Variants in WWOX observed in about 807,000 individuals in gnomAD.
WWOX encodes WW domain containing oxidoreductase.
Under a neutral mutation model 46.2 loss-of-function variants are expected in WWOX, and 69 were observed. The observed-to-expected ratio is 1.49, with a 90% CI of 1.23 to 1.82. WWOX has a LOEUF of 1.82. Ranked by LOEUF, WWOX falls within the 40% of genes most tolerant of loss-of-function variation. The pLI, the probability that WWOX is intolerant of heterozygous loss-of-function variation, is 0.00. For missense variants in WWOX, 919 were observed against 542.6 expected, an observed-to-expected ratio of 1.69 and a Z score of -6.89; for synonymous variants, 359 against 202.6, an observed-to-expected ratio of 1.77 and a Z score of -6.56.
Position 79,074,349 on chromosome 16 carries a change from T to A in WWOX, c.1057-137259T>A, listed in dbSNP as rs1370712484. On this transcript the variant is annotated intron_variant, in intron 8 of 8. Transcript: ENST00000566780. ...AAATGAGAGAAGTAAACATCTGACT[T>A]CCTAAAACCACCGTTGTCACTCAAA... Among the ~76,000 whole-genome samples the A allele has an allele frequency of 1.7e-4, 25 of 147,648 alleles. No homozygotes were observed. In the Admixed American group the frequency reaches 1.7e-3, roughly 10 times the overall value.
At chr16:79,029,005 A>G (rs1465362733) in intron 8 of WWOX, among the ~76,000 whole-genome samples, 1 of 149,954 alleles carries the variant, frequency 6.7e-6, no homozygotes, top group Non-Finnish European at 1.5e-5. Context: ...TTTGAAAAAT[A>G]AGCACAATAC....
rs1334433324 is a variant in WWOX, at chr16:78,588,257, C to T, written c.1056+155505C>T. Among the ~76,000 whole-genome samples, 4 of 152,294 alleles carry T rather than the reference C, an allele frequency of 2.6e-5. No individual in the cohort carries two copies. In the East Asian group the frequency reaches 7.7e-4, roughly 29 times the overall value. ...AGCCTCAAACTTGAACAGGTTCTTG[C>T]AGTTGGCAAACAGAAGGAGACCAGA... is the stretch of plus-strand genomic sequence containing the variant. On this transcript the variant is annotated intron_variant, in intron 8 of 8. Transcript: ENST00000566780.
chr16:78,702,120 A>ATATATATATATATTTATT (rs1207718237), intron 8 of WWOX, among the ~76,000 whole-genome samples: 15 of 130,016 alleles, frequency 1.2e-4, no homozygotes, highest in African/African-American at 5.0e-4. Context: ...ATATATATAT[A>ATATATATATATATTTATT]TATTTATTTA....
At chr16:78,714,296 G>C (rs1296367366) in intron 8 of WWOX, among the ~76,000 whole-genome samples, 1 of 152,122 alleles carries the variant, frequency 6.6e-6, no homozygotes, top group Non-Finnish European at 1.5e-5. Context: ...ACACGATCAT[G>C]GCGGAAGGCA....
At chr16:78,104,165 T>G (rs575240081) in intron 1 of WWOX, among the ~76,000 whole-genome samples, 3 of 151,814 alleles carry the variant, frequency 2.0e-5, no homozygotes, top group South Asian at 4.2e-4. Flanking sequence ...ATGGTGCCTG[T>G]GTCCACAGGG....
intron 8 of WWOX, among the ~76,000 whole-genome samples, chr16:78,798,782 A>G (rs2050810205): frequency 1.3e-5 from 2 of 152,224 alleles, no homozygotes; most frequent in African/African-American, 2.4e-5. Flanking sequence ...ATAAAGTAAT[A>G]TAAACTGAAG....
intron 8 of WWOX, among the ~76,000 whole-genome samples, chr16:78,733,107 G>C (rs924534560): frequency 6.6e-6 from 1 of 151,836 alleles, no homozygotes; most frequent in Non-Finnish European, 1.5e-5. Flanking sequence ...CATTTGCTCC[G>C]CTGTTACATC....
intron 8 of WWOX, among the ~76,000 whole-genome samples, chr16:78,879,610 G>T (rs559083017): frequency 6.6e-6 from 1 of 152,284 alleles, no homozygotes; most frequent in Admixed American, 6.5e-5. Context: ...GGGCATGATG[G>T]TTCACGCCTG....
At chr16:79,147,113 G>A (rs1283891080) in intron 8 of WWOX, among the ~76,000 whole-genome samples, 1 of 152,156 alleles carries the variant, frequency 6.6e-6, no homozygotes, top group African/African-American at 2.4e-5. Flanking sequence ...GTATATGTGT[G>A]TCTGTGTCTA....
intron 8 of WWOX, among the ~76,000 whole-genome samples, chr16:78,506,232 A>G (rs941698922): frequency 1.3e-5 from 2 of 152,198 alleles, no homozygotes; most frequent in Admixed American, 6.5e-5. Context: ...CTGTGGACAC[A>G]CAGGCTGTGT....
At chr16:78,436,101 C>T (rs748012810) in intron 8 of WWOX, among the ~76,000 whole-genome samples, 3 of 152,182 alleles carry the variant, frequency 2.0e-5, no homozygotes, top group African/African-American at 7.2e-5. Flanking sequence ...TAGCTCAGTG[C>T]CTTTCGCATG....
At chr16:78,358,649 C>T (rs973657882) in intron 5 of WWOX, among the ~76,000 whole-genome samples, 2 of 147,550 alleles carry the variant, frequency 1.4e-5, no homozygotes, top group Non-Finnish European at 3.0e-5. Context: ...CAGAGCAAGA[C>T]TCCGTGTCAA....
intron 5 of WWOX, among the ~76,000 whole-genome samples, chr16:78,325,650 C>A (rs187659759): frequency 6.6e-6 from 1 of 152,208 alleles, no homozygotes; most frequent in Non-Finnish European, 1.5e-5. Flanking sequence ...CTCCGTTTGG[C>A]AGCTTGATTA....
intron 5 of WWOX, among the ~76,000 whole-genome samples, chr16:78,297,820 G>A (rs999022931): frequency 6.6e-6 from 1 of 152,076 alleles, no homozygotes; most frequent in African/African-American, 2.4e-5. Context: ...CATGGTACAA[G>A]GAAACTGTGC....
At chr16:78,953,883 T>C (rs1567434522) in intron 8 of WWOX, among the ~76,000 whole-genome samples, 1 of 152,220 alleles carries the variant, frequency 6.6e-6, no homozygotes, top group South Asian at 2.1e-4. Context: ...TTGACACTTT[T>C]CACTTGCTGC....
intron 8 of WWOX, among the ~76,000 whole-genome samples, chr16:79,198,173 A>G (rs529536421): frequency 6.6e-6 from 1 of 150,546 alleles, no homozygotes; most frequent in Non-Finnish European, 1.5e-5. Context: ...AAAAAAAAAA[A>G]CAAAAACCAC....
chr16:78,361,997 C>A lies in WWOX; in HGVS notation c.517-24863C>A, dbSNP rs148826177. ...TTTTTTTTTTTTTGATTTATTAATACCTCCATTTATTCTGTTGCTGAAACC... is the reference window on the plus strand; with the variant it reads ...TTTTTTTTTTTTTGATTTATTAATAACTCCATTTATTCTGTTGCTGAAACC... On this transcript the variant is annotated intron_variant, in intron 5 of 8. Coordinates refer to ENST00000566780, the MANE Select transcript of WWOX (RefSeq NM_016373.4). Among the ~76,000 whole-genome samples, 2 of 130,208 alleles carry A rather than the reference C, an allele frequency of 1.5e-5. 1 individual carries two copies. Among genetic ancestry groups the A allele is most frequent in the South Asian group, 4.8e-4 (2 of 4,194 alleles). The allele number at this position is 130,208 out of a possible 152,430, so 85.4% of individuals were successfully genotyped here.
chr16:78,498,561 G>A (rs370832374), intron 8 of WWOX, among the ~76,000 whole-genome samples: 7 of 152,286 alleles, frequency 4.6e-5, no homozygotes, highest in African/African-American at 1.7e-4. Context: ...CACACCTTTG[G>A]CCTAAAGGGT....
intron 5 of WWOX, among the ~76,000 whole-genome samples, chr16:78,352,195 C>A (rs773141663): frequency 3.3e-5 from 5 of 152,144 alleles, no homozygotes; most frequent in Non-Finnish European, 7.3e-5. Context: ...TTCACAGGAG[C>A]CAGAAGTTTG....
Sources: allele counts gnomAD v4.1 joint callset (sites outside exome capture counted in the v4.1 genomes callset), GRCh38; gene constraint gnomAD v4.1.1; transcripts MANE v1.5; gene names NCBI Gene and HGNC (gene_info 2026-07-23, HGNC 2026-07-21).